Variants in PACSIN1 observed in about 807,000 individuals in gnomAD.
The protein encoded by PACSIN1 is protein kinase C and casein kinase substrate in neurons protein 1.
In PACSIN1, 15 loss-of-function variants were observed where a neutral mutation model predicts 59.5. The ratio of observed to expected loss-of-function variants is 0.25; its 90% CI spans 0.17 to 0.39. The LOEUF (loss-of-function observed/expected upper bound fraction) is 0.39, where lower values mean the gene tolerates loss of function less well. Among genes scored for constraint, PACSIN1 ranks in the 10% least tolerant of loss-of-function variants. The pLI is 1.00. For synonymous variants in PACSIN1, 210 were observed against 220.6 expected (o/e 0.95, Z 0.42); for missense variants, 420 against 580.2 (o/e 0.72, Z 2.84).
intron 1 of PACSIN1, among the ~76,000 whole-genome samples, chr6:34,493,599 A>C (rs1311425485): frequency 6.6e-6 from 1 of 152,156 alleles, no homozygotes; most frequent in Non-Finnish European, 1.5e-5. Context: ...CATTTTAGCC[A>C]CCCTGATGGT....
chr6:34,529,808 T>A lies in PACSIN1; in HGVS notation c.755T>A (p.Ile252Asn). The A allele has an allele frequency of 1.9e-6, 3 of 1,613,786 alleles. No individual in the cohort carries two copies. The highest frequency in any genetic ancestry group is 2.5e-6 in the Non-Finnish European group (3 of 1,179,928). ...LVFLKEVLLD[I>N]KRHLNLAENS... ...TTCCTCAAGGAGGTGCTGCTGGACATCAAACGGCACCTCAACCTGGCTGAG... is the reference window on the plus strand; with the variant it reads ...TTCCTCAAGGAGGTGCTGCTGGACAACAAACGGCACCTCAACCTGGCTGAG... Residue 252 changes from isoleucine (I) to asparagine (N), a missense_variant, in exon 6 of 10, where the codon ATC becomes AAC. Transcript: ENST00000244458. This position sits in a 1 kb window ranked among gnomAD's most constrained non-coding sequence, Gnocchi z 6.3.
At chr6:34,475,976 G>C (rs552171782) in intron 1 of PACSIN1, among the ~76,000 whole-genome samples, 2 of 152,264 alleles carry the variant, frequency 1.3e-5, no homozygotes, top group South Asian at 4.2e-4. Context: ...AGTGGCTGCT[G>C]GTTTGTAGTT....
In PACSIN1 at chr6:34,516,651, C is replaced by T. The variant is rs184717876; in HGVS notation, c.-63-9592C>T. 2.3e-3 allele frequency among the ~76,000 whole-genome samples: 351 copies of T among 152,284 alleles called. 2 individuals carry two copies. The highest frequency in any genetic ancestry group is 4.2e-3 in the Non-Finnish European group (283 of 68,002). ...ACGTCTGTCCACTCAGCAGGCCCTC[C>T]AGGCCTGGCCCCGACCTCCAGCCCC... On this transcript the variant is annotated intron_variant, in intron 1 of 9. Coordinates refer to ENST00000244458, the MANE Select transcript of PACSIN1 (RefSeq NM_020804.5). The surrounding 1 kb of genome is among the most constrained non-coding windows in gnomAD (Gnocchi z 5.4).
At position 34,518,903 on chromosome 6, in the gene PACSIN1, A is replaced by C. The variant is rs373410321; in HGVS notation, c.-63-7340A>C. Among the ~76,000 whole-genome samples the C allele has an allele frequency of 2.1e-3, 316 of 152,318 alleles. 4 individuals carry two copies. The highest frequency in any genetic ancestry group is 0.013 in the South Asian group (62 of 4,822). On this transcript the variant is annotated intron_variant, in intron 1 of 9. Transcript: ENST00000244458. This position sits in a 1 kb window ranked among gnomAD's most constrained non-coding sequence, Gnocchi z 4.4. ...CCCTGATGAGCCTGCCCCACCTGAA[A>C]CAGGCTTAGAGGCCCTCTAAAGATG...
At chr6:34,473,027 G>A (rs1213878671) in intron 1 of PACSIN1, among the ~76,000 whole-genome samples, 2 of 152,198 alleles carry the variant, frequency 1.3e-5, no homozygotes, top group African/African-American at 4.8e-5. Context: ...AAGTGGCTGA[G>A]CCAGATTCAC....
At position 34,529,631 on chromosome 6, in the gene PACSIN1, T is replaced by C. The variant is rs769504922; in HGVS notation, c.613-35T>C. On this transcript the variant is annotated intron_variant, in intron 5 of 9. Transcript: ENST00000244458. This position sits in a 1 kb window ranked among gnomAD's most constrained non-coding sequence, Gnocchi z 6.3. ...GGTGGCTGGGAGCTGCAGGCCTGGC[T>C]AGGTGTCACCCTCTCTCCACTCTGG... The C allele has an allele frequency of 1.2e-6, 2 of 1,612,700 alleles. No homozygotes were observed. Among genetic ancestry groups the C allele is most frequent in the South Asian group, 2.2e-5 (2 of 91,038 alleles).
At position 34,531,796 on chromosome 6, in the gene PACSIN1, G is replaced by C. The variant is rs1444367226; in HGVS notation, c.1225+9G>C. ...GCTCAGCTTTAAGGCCGGTAGGACGGCTGGGCGGGGCAGTGCCTGAGAGAG... is the reference window on the plus strand; with the variant it reads ...GCTCAGCTTTAAGGCCGGTAGGACGCCTGGGCGGGGCAGTGCCTGAGAGAG... On this transcript the variant is annotated intron_variant, in intron 9 of 9. Coordinates refer to ENST00000244458, the MANE Select transcript of PACSIN1 (RefSeq NM_020804.5). The surrounding 1 kb of genome is among the most constrained non-coding windows in gnomAD (Gnocchi z 4.4). The C allele has an allele frequency of 6.5e-7, 1 of 1,548,902 alleles. No individual in the cohort carries two copies.
chr6:34,482,005 T>C (rs900579262), intron 1 of PACSIN1, among the ~76,000 whole-genome samples: 1 of 152,252 alleles, frequency 6.6e-6, no homozygotes, highest in Non-Finnish European at 1.5e-5. Context: ...TCTATAAATT[T>C]GCTTATTCTG....
In PACSIN1 at chr6:34,530,326, G is replaced by A. The variant is rs1187578918; in HGVS notation, c.872G>A (p.Ser291Asn). The change falls in exon 7 of 10, where the codon AGT becomes AAT. Residue 291 changes from serine (S) to asparagine (N), a missense_variant. Transcript: ENST00000244458. This position sits in a 1 kb window ranked among gnomAD's most constrained non-coding sequence, Gnocchi z 4.4. ...QEDLRWFRSTSGPGMPMNWPQ... is the reference protein window; with the variant it reads ...QEDLRWFRSTNGPGMPMNWPQ... ...GACCTCAGATGGTTCCGCAGCACCA[G>A]TGGCCCCGGCATGCCCATGAACTGG... is the stretch of plus-strand genomic sequence containing the variant. The A allele has an allele frequency of 4.3e-6, 7 of 1,614,044 alleles. No individual in the cohort carries two copies. In the African/African-American group the frequency reaches 9.3e-5, roughly 22 times the overall value.
chr6:34,470,710 C>T (rs1421288615), intron 1 of PACSIN1, among the ~76,000 whole-genome samples: 1 of 151,748 alleles, frequency 6.6e-6, no homozygotes, highest in Non-Finnish European at 1.5e-5. Context: ...ACTGTGTTGC[C>T]CAGGCTAAAA....
intron 1 of PACSIN1, among the ~76,000 whole-genome samples, chr6:34,490,992 C>A (rs979881713): frequency 6.6e-6 from 1 of 152,062 alleles, no homozygotes; most frequent in Non-Finnish European, 1.5e-5. Flanking sequence ...GCATAGTCTT[C>A]GAGCAGGGGG....
chr6:34,471,705 T>C lies in PACSIN1; in HGVS notation c.-64+5435T>C, dbSNP rs540337193. Among the ~76,000 whole-genome samples the C allele has an allele frequency of 2.0e-5, 3 of 152,314 alleles. No homozygotes were observed. The East Asian group carries it at 5.8e-4, about 29-fold the overall frequency. On this transcript the variant is annotated intron_variant, in intron 1 of 9. Coordinates refer to ENST00000244458, the MANE Select transcript of PACSIN1 (RefSeq NM_020804.5). ...GTTAGCACTGTGTTTTTGGCAACAGTGGTCACAGTTTTGACTTGGCAATTC... is the reference window on the plus strand; with the variant it reads ...GTTAGCACTGTGTTTTTGGCAACAGCGGTCACAGTTTTGACTTGGCAATTC...
intron 1 of PACSIN1, among the ~76,000 whole-genome samples, chr6:34,523,191 G>A (rs555433398): frequency 2.0e-5 from 3 of 152,304 alleles, no homozygotes; most frequent in East Asian, 3.9e-4. Context: ...TCACCTGGCC[G>A]TTGTCTATTC....
At chr6:34,472,184 A>G (rs1766580216) in intron 1 of PACSIN1, among the ~76,000 whole-genome samples, 1 of 150,654 alleles carries the variant, frequency 6.6e-6, no homozygotes. Flanking sequence ...AGGCAGGAGA[A>G]TCGCTTGAGC....
rs546997678 is a variant in PACSIN1 at position 34,515,827 on chromosome 6, A to T, written c.-63-10416A>T. 2.0e-5 allele frequency among the ~76,000 whole-genome samples: 3 copies of T among 151,978 alleles called. No homozygotes were observed. In the South Asian group the frequency reaches 6.2e-4, roughly 32 times the overall value. ...TCTGCTGCATTGCTCCTGGGGACAG[A>T]CTCGCTGCTGCTGGGGGAGCTCTTG... On this transcript the variant is annotated intron_variant, in intron 1 of 9. Coordinates refer to ENST00000244458, the MANE Select transcript of PACSIN1 (RefSeq NM_020804.5). The surrounding 1 kb of genome is among the most constrained non-coding windows in gnomAD (Gnocchi z 4.4).
At chr6:34,513,207 A>G (rs1767232918) in intron 1 of PACSIN1, among the ~76,000 whole-genome samples, 1 of 152,142 alleles carries the variant, frequency 6.6e-6, no homozygotes. Context: ...CATCTCTAAT[A>G]CTGGAATGCT....
chr6:34,482,995 G>A (rs1050266719), intron 1 of PACSIN1, among the ~76,000 whole-genome samples: 1 of 102,552 alleles, frequency 9.8e-6, no homozygotes, highest in Non-Finnish European at 1.9e-5. Flanking sequence ...CCAACTCCAT[G>A]TTTAACTTTT....
At chr6:34,487,093 C>G (rs1766805944) in intron 1 of PACSIN1, among the ~76,000 whole-genome samples, 1 of 151,950 alleles carries the variant, frequency 6.6e-6, no homozygotes, top group Non-Finnish European at 1.5e-5. Flanking sequence ...TCAGCCGAGC[C>G]CAGGGAGGTT....
chr6:34,513,809 A>G (rs1767242951), intron 1 of PACSIN1, among the ~76,000 whole-genome samples: 1 of 152,078 alleles, frequency 6.6e-6, no homozygotes, highest in African/African-American at 2.4e-5. Context: ...AGATCAGATT[A>G]GTGCCTGATC....
Sources: gnomAD v4.1 joint callset for allele counts (sites outside exome capture counted in the v4.1 genomes callset) on GRCh38, gnomAD v4.1.1 for gene constraint, Gnocchi (gnomAD v3.1) non-coding constraint, MANE v1.5 for transcripts, NCBI Gene and HGNC (gene_info 2026-07-23, HGNC 2026-07-21) for gene names.